WDR72: variants seen among roughly 807,000 people sequenced by gnomAD.
The protein encoded by WDR72 is WD repeat-containing protein 72.
Under a neutral mutation model 124.2 loss-of-function variants are expected in WDR72, and 120 were observed. That is an observed-to-expected ratio of 0.97 (90% CI 0.83 to 1.12). The LOEUF is 1.12. Among genes scored for constraint, WDR72 ranks in the 50% most tolerant of loss-of-function variants. The pLI, the probability that WDR72 is intolerant of heterozygous loss-of-function variation, is 0.00. For missense variants in WDR72, 1,387 were observed against 1,278.8 expected, an observed-to-expected ratio of 1.08 and a Z score of -1.29; for synonymous variants, 452 against 441.7, an observed-to-expected ratio of 1.02 and a Z score of -0.29.
Position 53,660,079 on chromosome 15 carries a change from A to G in WDR72, c.1962+5493T>C, listed in dbSNP as rs185832935. ...ATTGATATAGAATATTTTCCACACT[A>G]GAAAAATAGTTCTATGCTGCTTATT... On this transcript the variant is annotated intron_variant, in intron 14 of 19. Coordinates refer to ENST00000360509, the MANE Select transcript of WDR72 (RefSeq NM_182758.4). Among the ~76,000 whole-genome samples, 51 of 152,126 alleles carry G rather than the reference A, an allele frequency of 3.4e-4. No individual in the cohort carries two copies. The East Asian group carries it at 9.6e-3, about 29-fold the overall frequency.
intron 14 of WDR72, among the ~76,000 whole-genome samples, chr15:53,633,313 G>C (rs2014501846): frequency 6.6e-6 from 1 of 152,112 alleles, no homozygotes. Context: ...AGCCATGTAA[G>C]ACGTGCCTAC....
intron 18 of WDR72, among the ~76,000 whole-genome samples, chr15:53,543,749 A>G (rs28760919): frequency 0.24 from 35,857 of 151,792 alleles, 4,335 homozygotes; most frequent in African/African-American, 0.28. Flanking sequence ...ACCGCTAGCA[A>G]GACTAATAAA....
chr15:53,666,570 A>G (rs896222543), intron 13 of WDR72, among the ~76,000 whole-genome samples: 4 of 152,176 alleles, frequency 2.6e-5, no homozygotes, highest in African/African-American at 9.7e-5. Flanking sequence ...TATTCATACT[A>G]TATTAAATAT....
chr15:53,584,702 C>T (rs1277739900), intron 18 of WDR72, among the ~76,000 whole-genome samples: 2 of 151,914 alleles, frequency 1.3e-5, no homozygotes, highest in Non-Finnish European at 2.9e-5. Context: ...ACAGCAGAAC[C>T]TTTTCATTCC....
At chr15:53,591,336 G>A (rs541850196) in intron 18 of WDR72, among the ~76,000 whole-genome samples, 24 of 152,032 alleles carry the variant, frequency 1.6e-4, no homozygotes, top group Non-Finnish European at 2.9e-4. Context: ...CAGAGAGGAA[G>A]TGGTATAAAG....
chr15:53,662,359 C>T (rs890868021), intron 14 of WDR72, among the ~76,000 whole-genome samples: 1 of 152,068 alleles, frequency 6.6e-6, no homozygotes, highest in Admixed American at 6.6e-5. Flanking sequence ...CTCTTGCAAA[C>T]TTTTCCCCAG....
chr15:53,651,121 C>A (rs7495833), intron 14 of WDR72, among the ~76,000 whole-genome samples: 57,331 of 151,852 alleles, frequency 0.38, 12,048 homozygotes, highest in Middle Eastern at 0.6. Flanking sequence ...GTCACACTGG[C>A]CTTTTTGACT....
At chr15:53,592,682 G>A (rs1442513638) in intron 18 of WDR72, among the ~76,000 whole-genome samples, 1 of 152,124 alleles carries the variant, frequency 6.6e-6, no homozygotes, top group East Asian at 1.9e-4. Context: ...ATAATTCCAA[G>A]GTGACAGTTT....
intron 1 of WDR72, among the ~76,000 whole-genome samples, chr15:53,751,829 T>C (rs1304846811): frequency 2.6e-5 from 4 of 152,110 alleles, no homozygotes; most frequent in African/African-American, 9.7e-5. Context: ...ACTCTACCAA[T>C]CTATGTCCTT....
chr15:53,750,083 A>G (rs1283961586), intron 1 of WDR72, among the ~76,000 whole-genome samples: 3 of 152,166 alleles, frequency 2.0e-5, no homozygotes, highest in Admixed American at 6.5e-5. Flanking sequence ...TAAACAACAG[A>G]TTTTCAATGT....
chr15:53,534,376 A>G (rs2140240241), intron 18 of WDR72, among the ~76,000 whole-genome samples: 1 of 152,292 alleles, frequency 6.6e-6, no homozygotes, highest in South Asian at 2.1e-4. Context: ...ATAAAATAAT[A>G]TGAGTCATGC....
At chr15:53,551,886 A>C (rs1893743773) in intron 18 of WDR72, among the ~76,000 whole-genome samples, 1 of 152,026 alleles carries the variant, frequency 6.6e-6, no homozygotes, top group African/African-American at 2.4e-5. Context: ...AAACACACGC[A>C]CATGTACATG....
rs535393532 is a variant in WDR72 at position 53,728,815 on chromosome 15, A to T, written c.153+4182T>A. On this transcript the variant is annotated intron_variant, in intron 2 of 19. Transcript: ENST00000360509. ...CTTCACAAAATTCTGGGGAAACTAGAGGGCTATGGGAGTCAGACTTCGAAC... is the reference window on the plus strand; with the variant it reads ...CTTCACAAAATTCTGGGGAAACTAGTGGGCTATGGGAGTCAGACTTCGAAC... 4.8e-4 allele frequency among the ~76,000 whole-genome samples: 73 copies of T among 152,264 alleles called. No homozygotes were observed. In the South Asian group the frequency reaches 0.015, roughly 31 times the overall value.
chr15:53,524,389 G>A (rs1891989262), intron 18 of WDR72, among the ~76,000 whole-genome samples: 2 of 152,090 alleles, frequency 1.3e-5, no homozygotes, highest in African/African-American at 4.8e-5. Context: ...GCACAGGGGA[G>A]TGGGCCTAGA....
At chr15:53,534,058 C>A (rs1892622695) in intron 18 of WDR72, among the ~76,000 whole-genome samples, 1 of 152,142 alleles carries the variant, frequency 6.6e-6, no homozygotes, top group Non-Finnish European at 1.5e-5. Context: ...TGCCTCTCTA[C>A]AATGGAACCT....
At chr15:53,711,305 T>A in intron 8 of WDR72, 31 bp downstream of exon 8, 1 of 1,614,070 alleles carries the variant, frequency 6.2e-7, no homozygotes, top group Non-Finnish European at 8.5e-7. Context: ...TCTACCTGAA[T>A]GTTTTGTATG....
rs1351247747 is a variant in WDR72 at position 53,699,797 on chromosome 15, A to G, written c.1718T>C (p.Ile573Thr). 4 of 1,614,168 alleles carry G rather than the reference A, an allele frequency of 2.5e-6. No homozygotes were observed. The highest frequency in any genetic ancestry group is 2.2e-5 in the East Asian group (1 of 44,872). Residue 573 changes from isoleucine to threonine, a missense_variant, in exon 13 of 20, where the codon ATT becomes ACT. Ile to Thr is a moderately conservative substitution (Grantham distance 89, BLOSUM62 -1). Coordinates refer to ENST00000360509, the MANE Select transcript of WDR72 (RefSeq NM_182758.4). ...AACTGAGTCATCTGCACATCCAACA[A>G]TTAAAAAATTCTCAACCGGGTGCCA... The part of the protein sequence containing the change: ...IKWHPVENFL[I>T]VGCADDSVYI...
chr15:53,714,420 G>T lies in WDR72; in HGVS notation c.591+14C>A. The T allele has an allele frequency of 6.2e-7, 1 of 1,610,422 alleles. No individual in the cohort carries two copies. The highest frequency in any genetic ancestry group is 8.5e-7 in the Non-Finnish European group (1 of 1,176,926). ...GAAATTGTAAGGAAAAAAGAGTAGG[G>T]TTCCCAAGCCAACCTGAATGCTGTT... is the stretch of plus-strand genomic sequence containing the variant. On this transcript the variant is annotated intron_variant, in intron 6 of 19. Coordinates refer to ENST00000360509, the MANE Select transcript of WDR72 (RefSeq NM_182758.4).
chr15:53,609,594 T>C lies in WDR72; in HGVS notation c.2873-2A>G. ...CAGGTACATGGGATTCATTCTTACCTAGAAATATACAGAACACACTTGTAT... is the reference window on the plus strand; with the variant it reads ...CAGGTACATGGGATTCATTCTTACCCAGAAATATACAGAACACACTTGTAT... On this transcript the variant is annotated splice_acceptor_variant, in intron 16 of 19. Transcript: ENST00000360509. LOFTEE classifies it high-confidence loss of function. 1.9e-6 allele frequency: 3 copies of C among 1,612,140 alleles called. No homozygotes were observed. Among genetic ancestry groups the C allele is most frequent in the Non-Finnish European group, 2.5e-6 (3 of 1,178,462 alleles).
Sources: gnomAD v4.1 joint callset for allele counts (sites outside exome capture counted in the v4.1 genomes callset) on GRCh38, gnomAD v4.1.1 for gene constraint, MANE v1.5 for transcripts, NCBI Gene and HGNC (gene_info 2026-07-23, HGNC 2026-07-21) for gene names.